MPPED2: variants seen among roughly 807,000 people sequenced by gnomAD.
MPPED2 encodes the protein metallophosphoesterase MPPED2.
In MPPED2, 5 loss-of-function variants were observed where a neutral mutation model predicts 33.0. The ratio of observed to expected loss-of-function variants is 0.15; its 90% CI spans 0.08 to 0.32. The LOEUF is 0.32. MPPED2 is among the 10% of genes least tolerant of loss of function. The pLI is 1.00. For missense variants in MPPED2, 275 were observed against 372.1 expected, an observed-to-expected ratio of 0.74 and a Z score of 2.15; for synonymous variants, 136 against 141.9, an observed-to-expected ratio of 0.96 and a Z score of 0.29.
At chr11:30,456,632 G>A (rs922571044) in intron 4 of MPPED2, among the ~76,000 whole-genome samples, 1 of 152,066 alleles carries the variant, frequency 6.6e-6, no homozygotes, top group Admixed American at 6.5e-5. Flanking sequence ...TAAACTTTAA[G>A]CAATATTACA....
At chr11:30,388,916 T>G in exon 7 of MPPED2, 2 of 1,567,582 alleles carry the variant, frequency 1.3e-6, no homozygotes, top group South Asian at 2.4e-5. Flanking sequence ...GCAGAGAACA[T>G]ATTTTTGTCC....
exon 7 of MPPED2, chr11:30,385,250 T>C (rs1590143530): frequency 6.6e-6 from 1 of 152,160 alleles, no homozygotes; most frequent in South Asian, 2.1e-4. Context: ...AAGGTACTAG[T>C]TTAGGTGAAG....
intron 2 of MPPED2, among the ~76,000 whole-genome samples, chr11:30,544,429 T>C (rs1482851852): frequency 2.0e-5 from 3 of 152,230 alleles, no homozygotes; most frequent in African/African-American, 7.2e-5. Context: ...TAACCATGTC[T>C]TAAGCACCTA....
chr11:30,470,947 T>C (rs1290062097), intron 4 of MPPED2, among the ~76,000 whole-genome samples: 3 of 152,202 alleles, frequency 2.0e-5, no homozygotes, highest in Non-Finnish European at 1.5e-5. Context: ...TTGCAGGATG[T>C]GCCACCTAGA....
At chr11:30,468,598 A>G (rs1212615166) in intron 4 of MPPED2, among the ~76,000 whole-genome samples, 15 of 152,218 alleles carry the variant, frequency 9.9e-5, no homozygotes. Flanking sequence ...GAAAGAAGAA[A>G]GGAGAGAGAA....
At chr11:30,411,878 T>A (rs998257446) in intron 6 of MPPED2, among the ~76,000 whole-genome samples, 1 of 152,082 alleles carries the variant, frequency 6.6e-6, no homozygotes, top group Non-Finnish European at 1.5e-5. Context: ...AAAGAAAAAC[T>A]TTTTTCCTCC....
rs2133731507 is a variant in MPPED2, at chr11:30,411,657, C to A, written c.767-71G>T. 6.6e-6 allele frequency: 9 copies of A among 1,365,968 alleles called. No homozygotes were observed. The Admixed American group carries it at 8.6e-5, about 13-fold the overall frequency. The allele number at this position is 1,365,968 out of a possible 1,614,324, so 84.6% of individuals were successfully genotyped here. ...AGTGATGGAATGTAGGGCTGTCAGG[C>A]AAGGAAAACAAAAAATTTTTGTCAG... is the stretch of plus-strand genomic sequence containing the variant. On this transcript the variant is annotated intron_variant, in intron 6 of 6. Transcript: ENST00000358117.
downstream of MPPED2, among the ~76,000 whole-genome samples, chr11:30,408,072 C>T (rs1948018070): frequency 6.6e-6 from 1 of 152,132 alleles, no homozygotes; most frequent in African/African-American, 2.4e-5. Flanking sequence ...ACTTCCTCCT[C>T]CTCATCACCC....
intron 6 of MPPED2, among the ~76,000 whole-genome samples, chr11:30,389,774 C>G (rs912239486): frequency 3.3e-5 from 5 of 152,192 alleles, no homozygotes; most frequent in Admixed American, 2.0e-4. Context: ...CAGGTGTTAG[C>G]CTTTTCAGAA....
At chr11:30,534,052 C>T (rs572213272) in intron 3 of MPPED2, among the ~76,000 whole-genome samples, 1 of 152,256 alleles carries the variant, frequency 6.6e-6, no homozygotes, top group East Asian at 1.9e-4. Flanking sequence ...TTAATCTACA[C>T]AACAATCCAG....
chr11:30,535,946 C>CACT, intron 3 of MPPED2, 48 bp downstream of exon 3: 1 of 1,496,604 alleles, frequency 6.7e-7, no homozygotes, highest in South Asian at 1.4e-5. Flanking sequence ...GAGTGACACT[C>CACT]GGACGGGAAA....
At chr11:30,470,653 C>T (rs1257010368) in intron 4 of MPPED2, among the ~76,000 whole-genome samples, 4 of 152,152 alleles carry the variant, frequency 2.6e-5, no homozygotes, top group Admixed American at 6.5e-5. Context: ...CTTCATATCA[C>T]TTACAGTCTT....
At chr11:30,507,650 T>C (rs1952911911) in intron 3 of MPPED2, among the ~76,000 whole-genome samples, 4 of 152,284 alleles carry the variant, frequency 2.6e-5, no homozygotes, top group South Asian at 2.1e-4. Context: ...CCATTCTGCT[T>C]TCTCCACCCC....
At chr11:30,433,485 G>A (rs1449827854) in intron 4 of MPPED2, among the ~76,000 whole-genome samples, 7 of 152,158 alleles carry the variant, frequency 4.6e-5, no homozygotes, top group Admixed American at 4.6e-4. Context: ...TTACAGATGA[G>A]GAAACTGAGG....
intron 4 of MPPED2, among the ~76,000 whole-genome samples, chr11:30,485,253 G>A (rs1474643220): frequency 6.6e-6 from 1 of 152,152 alleles, no homozygotes; most frequent in Non-Finnish European, 1.5e-5. Flanking sequence ...TCTCCCAAAT[G>A]AGGGTAATAT....
At position 30,490,960 on chromosome 11, in the gene MPPED2, A is replaced by T. The variant is rs1047211626; in HGVS notation, c.536+4336T>A. ...CCTTAATATCAGGGTTCTTATTTTGATTTCTATTTTTAAAACCACTAGCGG... is the reference window on the plus strand; with the variant it reads ...CCTTAATATCAGGGTTCTTATTTTGTTTTCTATTTTTAAAACCACTAGCGG... On this transcript the variant is annotated intron_variant, in intron 4 of 6. Coordinates refer to ENST00000358117, the MANE Select transcript of MPPED2 (RefSeq NM_001584.3). Among the ~76,000 whole-genome samples the T allele has an allele frequency of 7.2e-5, 11 of 152,230 alleles. No individual in the cohort carries two copies. The South Asian group carries it at 2.3e-3, about 32-fold the overall frequency.
At chr11:30,449,908 G>T (rs187747266) in intron 4 of MPPED2, among the ~76,000 whole-genome samples, 17 of 152,244 alleles carry the variant, frequency 1.1e-4, no homozygotes, top group Admixed American at 1.1e-3. Flanking sequence ...ATCTGCCCTA[G>T]ATGCCCAAAC....
At chr11:30,428,348 G>C (rs1948935026) in intron 4 of MPPED2, among the ~76,000 whole-genome samples, 2 of 152,148 alleles carry the variant, frequency 1.3e-5, no homozygotes. Flanking sequence ...GGTGAGCAAA[G>C]TATTAATTTT....
chr11:30,527,443 G>T (rs192786796), intron 3 of MPPED2, among the ~76,000 whole-genome samples: 35 of 151,804 alleles, frequency 2.3e-4, no homozygotes, highest in African/African-American at 8.2e-4. Flanking sequence ...GTTAAGACAG[G>T]AGCCGGTGGG....
Sources: gnomAD v4.1 joint callset for allele counts (sites outside exome capture counted in the v4.1 genomes callset) on GRCh38, gnomAD v4.1.1 for gene constraint, MANE v1.5 for transcripts, NCBI Gene and HGNC (gene_info 2026-07-23, HGNC 2026-07-21) for gene names.